F13A1: variants seen among roughly 807,000 people sequenced by gnomAD.
F13A1 encodes FSF, A subunit.
A neutral mutation model predicts 80.1 loss-of-function variants in F13A1; 47 were observed. The ratio of observed to expected loss-of-function variants is 0.59; its 90% CI spans 0.46 to 0.75. The LOEUF (loss-of-function observed/expected upper bound fraction) is 0.75. Among genes scored for constraint, F13A1 ranks in the 30% least tolerant of loss-of-function variants. The pLI is 0.00. For synonymous variants in F13A1, 349 were observed against 344.9 expected, an observed-to-expected ratio of 1.01 and a Z score of -0.13; for missense variants, 817 against 930.4, an observed-to-expected ratio of 0.88 and a Z score of 1.59.
At chr6:6,218,709 G>A (rs896134010) in intron 8 of F13A1, among the ~76,000 whole-genome samples, 2 of 152,130 alleles carry the variant, frequency 1.3e-5, no homozygotes, top group Non-Finnish European at 2.9e-5. Flanking sequence ...GCTCCCTCTT[G>A]GAAGGAAACA....
In F13A1 at chr6:6,243,875, G is replaced by C. The variant is rs1489746368; in HGVS notation, c.798+4437C>G. On this transcript the variant is annotated intron_variant, in intron 6 of 14. Transcript: ENST00000264870. This position sits in a 1 kb window ranked among gnomAD's most constrained non-coding sequence, Gnocchi z 4.2. ...GTAGGTGTGTCACAGTGAATAACGA[G>C]CCTTTATCTGCAGTAGCGGCAGCCT... 6.6e-6 allele frequency among the ~76,000 whole-genome samples: 1 copy of C among 152,220 alleles called. No individual in the cohort carries two copies. The highest frequency in any genetic ancestry group is 1.5e-5 in the Non-Finnish European group (1 of 68,042).
chr6:6,286,654 C>T (rs1758144206), intron 3 of F13A1, among the ~76,000 whole-genome samples: 1 of 152,146 alleles, frequency 6.6e-6, no homozygotes, highest in South Asian at 2.1e-4. Flanking sequence ...GCCACTAACA[C>T]CTAGACGTGC....
At chr6:6,268,008 T>C (rs1302444573) in intron 3 of F13A1, among the ~76,000 whole-genome samples, 1 of 152,248 alleles carries the variant, frequency 6.6e-6, no homozygotes, top group Non-Finnish European at 1.5e-5. Context: ...CAAAGACTCA[T>C]ATTGAATTTC....
Position 6,145,369 on chromosome 6 carries a change from G to T in F13A1, c.*250C>A. ...TGACTGTTACTCTTATGAGCTATGA[G>T]AGCTTAATTAAAGCTAATGCTTAGC... is the stretch of plus-strand genomic sequence containing the variant. On this transcript the variant is annotated 3_prime_UTR_variant, in exon 15 of 15. Coordinates refer to ENST00000264870, the MANE Select transcript of F13A1 (RefSeq NM_000129.4). 1 of 530,394 alleles carries T rather than the reference G, an allele frequency of 1.9e-6. No homozygotes were observed. Among genetic ancestry groups the T allele is most frequent in the Non-Finnish European group, 3.4e-6 (1 of 293,132 alleles). The allele number at this position is 530,394 out of a possible 1,614,324, so 32.9% of individuals were successfully genotyped here.
chr6:6,275,890 A>G (rs1757981620), intron 3 of F13A1, among the ~76,000 whole-genome samples: 1 of 152,214 alleles, frequency 6.6e-6, no homozygotes, highest in Non-Finnish European at 1.5e-5. Flanking sequence ...CATTTAAGAG[A>G]AGACAGGATA....
At chr6:6,192,456 G>A (rs966716926) in intron 10 of F13A1, among the ~76,000 whole-genome samples, 2 of 152,048 alleles carry the variant, frequency 1.3e-5, no homozygotes, top group African/African-American at 4.8e-5. Flanking sequence ...GATAATTTTG[G>A]GAAGGTATTT....
intron 8 of F13A1, among the ~76,000 whole-genome samples, chr6:6,201,102 A>C (rs1761385852): frequency 6.6e-6 from 1 of 152,154 alleles, no homozygotes; most frequent in Non-Finnish European, 1.5e-5. Flanking sequence ...CTACACCATC[A>C]CCCTAGATTA....
rs192959386 is a variant in F13A1 at position 6,291,792 on chromosome 6, T to C, written c.319+13559A>G. On this transcript the variant is annotated intron_variant, in intron 3 of 14. Transcript: ENST00000264870. The stretch of plus-strand genomic sequence containing the variant: ...GCTTAAGCCTCAGTCCACTGCTGAC[T>C]TGATTTACCTTTTTCTGAGTGAGCT... Among the ~76,000 whole-genome samples the C allele has an allele frequency of 1.7e-3, 260 of 152,326 alleles. 5 individuals carry two copies. Among genetic ancestry groups the C allele is most frequent in the Admixed American group, 0.017 (257 of 15,306 alleles).
At chr6:6,178,377 G>T (rs144987691) in intron 11 of F13A1, among the ~76,000 whole-genome samples, 1 of 152,114 alleles carries the variant, frequency 6.6e-6, no homozygotes, top group Admixed American at 6.5e-5. Context: ...GGATGCATTC[G>T]AGAACAATTT....
At chr6:6,221,568 C>A (rs1333018090) in intron 8 of F13A1, among the ~76,000 whole-genome samples, 1 of 152,038 alleles carries the variant, frequency 6.6e-6, no homozygotes, top group African/African-American at 2.4e-5. Context: ...TTGTAAATGG[C>A]GATATTAATA....
At chr6:6,282,565 C>T (rs1758081513) in intron 3 of F13A1, among the ~76,000 whole-genome samples, 1 of 152,112 alleles carries the variant, frequency 6.6e-6, no homozygotes, top group Non-Finnish European at 1.5e-5. Context: ...AGGGGTAACC[C>T]CAACAGTCAC....
intron 6 of F13A1, 65 bp from the exon 7 acceptor site, chr6:6,224,925 G>C: frequency 6.4e-7 from 1 of 1,563,856 alleles, no homozygotes; most frequent in Non-Finnish European, 8.8e-7. Flanking sequence ...TCCAGGCTAT[G>C]CATGGCGCAA....
At chr6:6,161,524 ATGTG>A (rs143895728) in intron 13 of F13A1, among the ~76,000 whole-genome samples, 110 of 133,640 alleles carry the variant, frequency 8.2e-4, no homozygotes, top group South Asian at 3.6e-3. Context: ...CAGAGAGAGG[ATGTG>A]TGTGTGTGTG....
At chr6:6,254,285 C>T (rs973154222) in intron 4 of F13A1, among the ~76,000 whole-genome samples, 2 of 152,008 alleles carry the variant, frequency 1.3e-5, no homozygotes, top group East Asian at 1.9e-4. Context: ...TTCACTTTGC[C>T]CAATGCTATT....
At position 6,224,717 on chromosome 6, in the gene F13A1, T is replaced by C; in HGVS notation, c.942A>G (p.Gln314=). The C allele has an allele frequency of 6.2e-7, 1 of 1,614,152 alleles. No homozygotes were observed. Residue 314 remains glutamine (Q), a synonymous_variant, in exon 7 of 15, where the codon CAA becomes CAG. Transcript: ENST00000264870. ...RSSENPVRYG[Q]CWVFAGVFNT... The stretch of plus-strand genomic sequence containing the variant: ...TAAAGACACCAGCAAAAACCCAGCA[T>C]TGGCCATACCGGACTGGATTCTCAG...
chr6:6,245,307 C>T (rs746638397), intron 6 of F13A1, among the ~76,000 whole-genome samples: 11 of 152,168 alleles, frequency 7.2e-5, no homozygotes, highest in Non-Finnish European at 1.6e-4. Context: ...ACCACAACCT[C>T]TGCCTCCCGG....
In F13A1 at chr6:6,250,693, C is replaced by G; in HGVS notation, c.690+118G>C. The G allele has an allele frequency of 1.3e-6, 1 of 754,968 alleles. No individual in the cohort carries two copies. The highest frequency in any genetic ancestry group is 2.6e-5 in the East Asian group (1 of 38,794). The allele number at this position is 754,968 out of a possible 1,614,324, so 46.8% of individuals were successfully genotyped here. On this transcript the variant is annotated intron_variant, in intron 5 of 14. Transcript: ENST00000264870. The surrounding 1 kb of genome is among the most constrained non-coding windows in gnomAD (Gnocchi z 4.2). The stretch of plus-strand genomic sequence containing the variant: ...GCTCTCTGCCTTGGAGTCTCAGATC[C>G]TAAAAAGCAGGAAATTGTGCTTGTC...
At chr6:6,146,718 G>C (rs1423322880) in intron 14 of F13A1, among the ~76,000 whole-genome samples, 1 of 152,276 alleles carries the variant, frequency 6.6e-6, no homozygotes, top group South Asian at 2.1e-4. Context: ...CACATAATTG[G>C]TAAATGGGCA....
chr6:6,150,609 G>A (rs1760357282), intron 14 of F13A1, among the ~76,000 whole-genome samples: 1 of 152,176 alleles, frequency 6.6e-6, no homozygotes. Context: ...ATTCCAGAGT[G>A]GGGTCGCTTC....
Sources: gnomAD v4.1 joint callset for allele counts (sites outside exome capture counted in the v4.1 genomes callset) on GRCh38, gnomAD v4.1.1 for gene constraint, Gnocchi (gnomAD v3.1) non-coding constraint, MANE v1.5 for transcripts, NCBI Gene and HGNC (gene_info 2026-07-23, HGNC 2026-07-21) for gene names.